The following TBC1D32 variants were observed in gnomAD, a reference collection of about 807,000 sequenced individuals.
TBC1D32 encodes TBC1 domain family member 32, also known as protein broad-minded.
A neutral mutation model predicts 170.3 loss-of-function variants in TBC1D32; 151 were observed. The ratio of observed to expected loss-of-function variants is 0.89; its 90% confidence interval spans 0.78 to 1.01. The LOEUF (loss-of-function observed/expected upper bound fraction) is 1.01, where lower values mean the gene tolerates loss of function less well. Ranked by LOEUF, TBC1D32 falls within the 50% of genes least tolerant of loss-of-function variation. TBC1D32 has a pLI of 0.00. For synonymous variants in TBC1D32, 498 were observed against 488.0 expected (o/e 1.02, Z -0.27); for missense variants, 1,464 against 1,457.1 (o/e 1.00, Z -0.08).
At position 121,251,061 on chromosome 6, in the gene TBC1D32, T is replaced by A. The variant is rs185742437; in HGVS notation, c.2018+4267A>T. On this transcript the variant is annotated intron_variant, in intron 17 of 31. Coordinates refer to ENST00000398212, the MANE Select transcript of TBC1D32 (RefSeq NM_152730.6). ...CTCTTCAGGGAGAGCTACAAACTAC[T>A]ACTCAAGGAAATAAGAGAGGAGACA... Among the ~76,000 whole-genome samples the A allele has an allele frequency of 3.4e-3, 523 of 152,146 alleles. 3 individuals carry two copies. Among genetic ancestry groups the A allele is most frequent in the Non-Finnish European group, 5.8e-3 (394 of 67,986 alleles).
At chr6:121,222,369 C>T (rs1351131436) in intron 21 of TBC1D32, among the ~76,000 whole-genome samples, 2 of 151,980 alleles carry the variant, frequency 1.3e-5, no homozygotes, top group Non-Finnish European at 2.9e-5. Flanking sequence ...GAAGTGCCAA[C>T]ATACAAGTAA....
Position 121,242,349 on chromosome 6 carries a change from G to C in TBC1D32, c.2019-10C>G. 1 of 1,610,066 alleles carries C rather than the reference G, an allele frequency of 6.2e-7. No individual in the cohort carries two copies. On this transcript the variant is annotated splice_polypyrimidine_tract_variant and intron_variant, in intron 17 of 31. Transcript: ENST00000398212. ...ATCTTCCCAAGCCATACTGAAATAGGTAAAAGAAAGGTAGAGCTTTCTTTA... is the reference window on the plus strand; with the variant it reads ...ATCTTCCCAAGCCATACTGAAATAGCTAAAAGAAAGGTAGAGCTTTCTTTA...
At chr6:121,307,896 T>C in intron 5 of TBC1D32, 80 bp downstream of exon 5, 2 of 1,445,564 alleles carry the variant, frequency 1.4e-6, no homozygotes, top group Non-Finnish European at 9.3e-7. Flanking sequence ...AAGAAAACTA[T>C]CGTAACTATC....
intron 26 of TBC1D32, among the ~76,000 whole-genome samples, chr6:121,116,128 T>C (rs1460638490): frequency 6.6e-6 from 1 of 151,934 alleles, no homozygotes; most frequent in African/African-American, 2.4e-5. Flanking sequence ...AGTTATCTAG[T>C]GGTAGAGAAG....
chr6:121,081,122 G>A (rs150903164), intron 31 of TBC1D32, among the ~76,000 whole-genome samples: 4 of 152,132 alleles, frequency 2.6e-5, no homozygotes, highest in Admixed American at 2.0e-4. Context: ...AACCAAAAAT[G>A]ATTTACAGCT....
At chr6:121,217,070 T>C (rs1793918984) in intron 21 of TBC1D32, among the ~76,000 whole-genome samples, 1 of 152,120 alleles carries the variant, frequency 6.6e-6, no homozygotes, top group African/African-American at 2.4e-5. Context: ...CCCATTCAAC[T>C]CTCCCATTTG....
chr6:121,230,452 AAATGT>A, intron 20 of TBC1D32, among the ~76,000 whole-genome samples: 1 of 152,080 alleles, frequency 6.6e-6, no homozygotes, highest in Non-Finnish European at 1.5e-5. Flanking sequence ...CTACCACCTA[AAATGT>A]AATTTCATTT....
At chr6:121,209,833 A>G (rs1792819296) in intron 21 of TBC1D32, among the ~76,000 whole-genome samples, 1 of 152,212 alleles carries the variant, frequency 6.6e-6, no homozygotes, top group Non-Finnish European at 1.5e-5. Context: ...AGACAGATGT[A>G]GACCTGACAG....
At chr6:121,229,873 T>TCC (rs1181323966) in intron 20 of TBC1D32, among the ~76,000 whole-genome samples, 2 of 151,926 alleles carry the variant, frequency 1.3e-5, no homozygotes, top group African/African-American at 4.8e-5. Context: ...TGGGTGCAGT[T>TCC]CCCCCATGCT....
chr6:121,098,674 C>A (rs1001999040), intron 30 of TBC1D32, among the ~76,000 whole-genome samples: 1 of 151,848 alleles, frequency 6.6e-6, no homozygotes, highest in Admixed American at 6.6e-5. Context: ...CTAAAAAGAG[C>A]AAGACAAAGA....
chr6:121,321,765 T>C lies in TBC1D32; in HGVS notation c.185A>G (p.His62Arg), dbSNP rs1461709684. 2 of 1,613,524 alleles carry C rather than the reference T, an allele frequency of 1.2e-6. No homozygotes were observed. Among genetic ancestry groups the C allele is most frequent in the Non-Finnish European group, 1.7e-6 (2 of 1,179,854 alleles). ...NYEFVKYLRQ[H>R]IGNTLGSMIE... is the part of the protein sequence containing the mutation. The stretch of plus-strand genomic sequence containing the variant: ...CATAGAACCCAAAGTGTTGCCTATA[T>C]GCTGCCTGAGGTATTTCACAAATTC... The change falls in exon 2 of 32, where the codon CAT becomes CGT. Residue 62 changes from histidine to arginine, a missense_variant. Physicochemically the swap from His to Arg is conservative, Grantham distance 29. Transcript: ENST00000398212.
chr6:121,309,242 G>GA (rs1448630907), intron 4 of TBC1D32, among the ~76,000 whole-genome samples: 1 of 151,944 alleles, frequency 6.6e-6, no homozygotes, highest in African/African-American at 2.4e-5. Context: ...AAATTTTTAG[G>GA]AAAAAATGCC....
At chr6:121,155,964 G>A (rs1784828855) in intron 24 of TBC1D32, among the ~76,000 whole-genome samples, 1 of 151,866 alleles carries the variant, frequency 6.6e-6, no homozygotes, top group South Asian at 2.1e-4. Context: ...AAGAATATTT[G>A]GCCTAAAGTT....
chr6:121,307,923 C>A, intron 5 of TBC1D32, 53 bp downstream of exon 5: 1 of 1,552,560 alleles, frequency 6.4e-7, no homozygotes, highest in Non-Finnish European at 8.7e-7. Flanking sequence ...TATTTATTTC[C>A]AGAATGGTGG....
intron 20 of TBC1D32, among the ~76,000 whole-genome samples, chr6:121,235,367 G>T (rs1796205888): frequency 6.6e-6 from 1 of 152,160 alleles, no homozygotes; most frequent in Non-Finnish European, 1.5e-5. Flanking sequence ...AGACCACCAG[G>T]AGGGGGCAGG....
intron 15 of TBC1D32, among the ~76,000 whole-genome samples, chr6:121,259,305 TAAAC>T (rs1417072742): frequency 4.0e-5 from 6 of 151,100 alleles, no homozygotes; most frequent in Non-Finnish European, 7.4e-5. Context: ...CTCAAAAAAA[TAAAC>T]AAAATAAAAA....
intron 2 of TBC1D32, 94 bp downstream of exon 2, chr6:121,321,539 G>C (rs574267567): frequency 1.0e-5 from 12 of 1,181,558 alleles, no homozygotes; most frequent in Non-Finnish European, 1.4e-5. Context: ...TGGCTGCTAT[G>C]AGGGAAATAG....
chr6:121,123,511 T>C (rs1780500979), intron 26 of TBC1D32, among the ~76,000 whole-genome samples: 1 of 152,152 alleles, frequency 6.6e-6, no homozygotes, highest in Non-Finnish European at 1.5e-5. Flanking sequence ...CTTTTTATAG[T>C]CTTTGCCTTA....
chr6:121,262,174 G>T (rs1392914162), intron 15 of TBC1D32, among the ~76,000 whole-genome samples: 1 of 152,142 alleles, frequency 6.6e-6, no homozygotes, highest in African/African-American at 2.4e-5. Flanking sequence ...AAAGAAACGG[G>T]AAGAATGGAA....
Sources: allele counts gnomAD v4.1 joint callset (sites outside exome capture counted in the v4.1 genomes callset), GRCh38; gene constraint gnomAD v4.1.1; transcripts MANE v1.5; gene names NCBI Gene and HGNC (gene_info 2026-07-23, HGNC 2026-07-21).